Variants in PROM1 observed in about 807,000 individuals in gnomAD.
PROM1 encodes the protein prominin 1, also known as prominin-1.
PROM1 carries 105 observed loss-of-function variants against 116.9 expected under a neutral mutation model. The ratio of observed to expected loss-of-function variants is 0.90; its 90% CI spans 0.77 to 1.06. The LOEUF (loss-of-function observed/expected upper bound fraction) is 1.06. Ranked by LOEUF, PROM1 falls within the 50% of genes least tolerant of loss-of-function variation. PROM1 has a pLI of 0.00. For synonymous variants in PROM1, 393 were observed against 387.0 expected, an observed-to-expected ratio of 1.02 and a Z score of -0.18; for missense variants, 1,122 against 1,045.2, an observed-to-expected ratio of 1.07 and a Z score of -1.01.
chr4:15,991,581 ATG>A (rs1473729037), intron 17 of PROM1, among the ~76,000 whole-genome samples: 3 of 151,624 alleles, frequency 2.0e-5, no homozygotes, highest in African/African-American at 7.3e-5. Flanking sequence ...ACAAAAGATT[ATG>A]TGTTACGTAA....
At chr4:16,078,898 C>T (rs1744479253) in intron 1 of PROM1, among the ~76,000 whole-genome samples, 1 of 152,162 alleles carries the variant, frequency 6.6e-6, no homozygotes, top group Non-Finnish European at 1.5e-5. Context: ...AATACAAGGG[C>T]CCCAAATTCT....
At chr4:16,059,862 TA>T (rs976236517) in intron 2 of PROM1, among the ~76,000 whole-genome samples, 6 of 151,916 alleles carry the variant, frequency 3.9e-5, no homozygotes, top group African/African-American at 7.2e-5. Context: ...TCACAGCAAT[TA>T]AAAAAAATGG....
chr4:16,053,689 G>T (rs1738367596), intron 2 of PROM1, among the ~76,000 whole-genome samples: 1 of 152,178 alleles, frequency 6.6e-6, no homozygotes, highest in African/African-American at 2.4e-5. Context: ...GGAAAGAAAA[G>T]ATAAATAAAG....
intron 26 of PROM1, among the ~76,000 whole-genome samples, chr4:15,977,792 G>T (rs1171104767): frequency 1.3e-5 from 2 of 152,134 alleles, no homozygotes; most frequent in Admixed American, 6.5e-5. Flanking sequence ...TAGAGACAAG[G>T]TTTCACCGTG....
chr4:15,979,580 C>G, intron 25 of PROM1, 117 bp from the exon 26 acceptor site: 1 of 1,393,098 alleles, frequency 7.2e-7, no homozygotes, highest in Non-Finnish European at 9.4e-7. Flanking sequence ...TTTGTTAAAT[C>G]TAAAAAAAAG....
intron 1 of PROM1, chr4:16,083,539 G>T (rs1490768830): frequency 2.0e-5 from 3 of 152,370 alleles, no homozygotes; most frequent in Non-Finnish European, 4.4e-5. Flanking sequence ...CTAGGGTAAG[G>T]GGGGCGCAGA....
At chr4:16,006,161 C>T (rs1560464988) in intron 13 of PROM1, among the ~76,000 whole-genome samples, 1 of 152,224 alleles carries the variant, frequency 6.6e-6, no homozygotes, top group African/African-American at 2.4e-5. Flanking sequence ...GAGATTGGCT[C>T]AGCCTCTGGT....
chr4:16,022,127 G>A (rs189459992), intron 8 of PROM1, among the ~76,000 whole-genome samples: 44 of 142,610 alleles, frequency 3.1e-4, no homozygotes, highest in African/African-American at 1.1e-3. Flanking sequence ...GGGAAGAAGG[G>A]AAGGAGGGAA....
At chr4:15,974,994 A>G (rs1351473022) in intron 26 of PROM1, among the ~76,000 whole-genome samples, 1 of 152,212 alleles carries the variant, frequency 6.6e-6, no homozygotes, top group South Asian at 2.1e-4. Context: ...GGTGTCATCA[A>G]TGGAAGCTAA....
intron 2 of PROM1, chr4:16,055,426 C>T (rs1423514319): frequency 4.4e-6 from 2 of 456,246 alleles, no homozygotes; most frequent in Non-Finnish European, 8.8e-6. Context: ...CAGGCTTCTC[C>T]TATCTGGGCC....
chr4:16,057,082 T>C (rs925119066), intron 2 of PROM1, among the ~76,000 whole-genome samples: 1 of 152,366 alleles, frequency 6.6e-6, no homozygotes, highest in African/African-American at 2.4e-5. Flanking sequence ...GAGATACTCA[T>C]TTCTTCTCAG....
chr4:16,050,118 G>C (rs1047484495), intron 2 of PROM1, among the ~76,000 whole-genome samples: 1 of 151,890 alleles, frequency 6.6e-6, no homozygotes, highest in Non-Finnish European at 1.5e-5. Context: ...AAAATTAGCC[G>C]GGCGCGGTGG....
intron 11 of PROM1, among the ~76,000 whole-genome samples, chr4:16,012,900 T>A (rs1337505795): frequency 2.7e-5 from 4 of 148,998 alleles, no homozygotes; most frequent in African/African-American, 7.4e-5. Context: ...AACAACAAAC[T>A]TTGATCTTAA....
rs1713657041 is a variant in PROM1 at position 15,968,713 on chromosome 4, G to A, written c.*680C>T. 1 of 152,180 alleles carries A rather than the reference G, an allele frequency of 6.6e-6. No homozygotes were observed. Among genetic ancestry groups the A allele is most frequent in the South Asian group, 2.1e-4 (1 of 4,834 alleles). 9.4% of individuals were successfully genotyped at this position (152,180 alleles called of 1,614,324 possible). A position where few individuals can be genotyped will look rare whatever the true frequency, so the allele number is the denominator to read the frequency against. ...GAATTTGTCAGATGGAGTTACGCAG[G>A]TTTCTCTATGATTGCTTTTGCATGC... is the stretch of plus-strand genomic sequence containing the variant. On this transcript the variant is annotated 3_prime_UTR_variant, in exon 28 of 28. Transcript: ENST00000447510.
chr4:16,024,414 G>C, intron 6 of PROM1, 56 bp from the exon 7 acceptor site: 1 of 1,414,358 alleles, frequency 7.1e-7, no homozygotes, highest in South Asian at 1.3e-5. Flanking sequence ...GGCAATAAGA[G>C]GGCAAAAAGA....
At chr4:15,980,574 G>T in intron 23 of PROM1, 37 bp from the exon 24 acceptor site, 2 of 1,252,824 alleles carry the variant, frequency 1.6e-6, no homozygotes, top group South Asian at 1.4e-5. Flanking sequence ...AATGTTTGAA[G>T]ATAAGAAATG....
In PROM1 at chr4:16,059,608, G is replaced by A. The variant is rs188649596; in HGVS notation, c.220+16079C>T. Among the ~76,000 whole-genome samples the A allele has an allele frequency of 1.7e-3, 261 of 152,230 alleles. 1 individual carries two copies. Among genetic ancestry groups the A allele is most frequent in the Middle Eastern group, 3.4e-3 (1 of 294 alleles). On this transcript the variant is annotated intron_variant, in intron 2 of 27. Coordinates refer to ENST00000447510, the MANE Select transcript of PROM1 (RefSeq NM_006017.3). ...TGTTCCAGCTACTGGAGAGGCTAAGGTGGGAGGATCGCCTAAGCCCAGGAG... is the reference window on the plus strand; with the variant it reads ...TGTTCCAGCTACTGGAGAGGCTAAGATGGGAGGATCGCCTAAGCCCAGGAG...
Position 16,035,781 on chromosome 4 carries a change from T to A in PROM1, c.277-20A>T, listed in dbSNP as rs1236800692. 6 of 1,612,384 alleles carry A rather than the reference T, an allele frequency of 3.7e-6. No homozygotes were observed. The African/African-American group carries it at 6.7e-5, about 18-fold the overall frequency. ...TTCTGGCTGTAGAAGTCAACGCAGG[T>A]GAGGAATTTTGGCAGAGGCAGCATG... On this transcript the variant is annotated intron_variant, in intron 3 of 27. Transcript: ENST00000447510.
At chr4:15,998,164 C>T (rs1000649873) in intron 15 of PROM1, among the ~76,000 whole-genome samples, 16 of 152,160 alleles carry the variant, frequency 1.1e-4, no homozygotes, top group South Asian at 2.1e-4. Flanking sequence ...TATTGGAGAG[C>T]GAGACCTTGA....
Sources: gnomAD v4.1 joint callset for allele counts (sites outside exome capture counted in the v4.1 genomes callset) on GRCh38, gnomAD v4.1.1 for gene constraint, MANE v1.5 for transcripts, NCBI Gene and HGNC (gene_info 2026-07-23, HGNC 2026-07-21) for gene names.